MORN5: variants seen among roughly 807,000 people sequenced by gnomAD.
MORN5 encodes MORN repeat containing 5.
In MORN5, 21 loss-of-function variants were observed where a neutral mutation model predicts 22.1. That is an observed-to-expected ratio of 0.95 (90% CI 0.67 to 1.37). The LOEUF (loss-of-function observed/expected upper bound fraction) is 1.37, where lower values mean the gene tolerates loss of function less well. Ranked by LOEUF, MORN5 falls within the 40% of genes most tolerant of loss-of-function variation. The pLI is 0.00. For synonymous variants in MORN5, 73 were observed against 74.0 expected (o/e 0.99, Z 0.07); for missense variants, 211 against 215.1 (o/e 0.98, Z 0.12).
At chr9:122,182,433 C>A (rs1829549833) in intron 4 of MORN5, among the ~76,000 whole-genome samples, 1 of 152,254 alleles carries the variant, frequency 6.6e-6, no homozygotes, top group Admixed American at 6.5e-5. Context: ...AGGATCCTTG[C>A]TAGGCTCTGT....
intron 2 of MORN5, among the ~76,000 whole-genome samples, chr9:122,169,069 AATTGGCG>A (rs1829329455): frequency 1.3e-5 from 2 of 152,142 alleles, no homozygotes; most frequent in Admixed American, 1.3e-4. Flanking sequence ...AGAGACAGGG[AATTGGCG>A]CTTCCTCTGC....
intron 4 of MORN5, among the ~76,000 whole-genome samples, chr9:122,193,865 G>A (rs553443749): frequency 1.8e-4 from 27 of 152,322 alleles, no homozygotes; most frequent in African/African-American, 6.3e-4. Context: ...CAGTGCGAGG[G>A]GAGCTGGGAG....
intron 4 of MORN5, among the ~76,000 whole-genome samples, chr9:122,177,638 G>C (rs866129469): frequency 3.9e-4 from 60 of 152,146 alleles, no homozygotes; most frequent in African/African-American, 1.4e-3. Flanking sequence ...TTGCCATGTT[G>C]GCCGGGCTGG....
intron 1 of MORN5, 80 bp downstream of exon 1, chr9:122,160,099 A>C (rs1003605664): frequency 1.5e-6 from 2 of 1,324,708 alleles, no homozygotes; most frequent in Non-Finnish European, 2.1e-6. Flanking sequence ...TCTGCGAAAC[A>C]CCTTGTGCCA....
intron 4 of MORN5, among the ~76,000 whole-genome samples, chr9:122,178,879 G>A (rs113382716): frequency 3.3e-5 from 5 of 152,314 alleles, no homozygotes; most frequent in African/African-American, 7.2e-5. Context: ...TCCATAGAGC[G>A]TTCCCTTTCT....
At chr9:122,193,578 C>T (rs1158835898) in intron 4 of MORN5, among the ~76,000 whole-genome samples, 3 of 152,036 alleles carry the variant, frequency 2.0e-5, no homozygotes, top group Admixed American at 6.5e-5. Flanking sequence ...AGCGAGACTC[C>T]GTCTCAAAAA....
intron 4 of MORN5, among the ~76,000 whole-genome samples, chr9:122,189,378 G>T (rs2118780226): frequency 6.6e-6 from 1 of 152,220 alleles, no homozygotes; most frequent in Admixed American, 6.5e-5. Flanking sequence ...AGGATTGCTT[G>T]AAGCCAGGAG....
chr9:122,192,926 C>A (rs1178269393), intron 4 of MORN5, among the ~76,000 whole-genome samples: 3 of 152,224 alleles, frequency 2.0e-5, no homozygotes, highest in African/African-American at 7.2e-5. Flanking sequence ...ATTTACATTT[C>A]TTTATTCATT....
chr9:122,187,566 C>T (rs1829663741), intron 4 of MORN5, among the ~76,000 whole-genome samples: 1 of 152,302 alleles, frequency 6.6e-6, no homozygotes, highest in East Asian at 1.9e-4. Context: ...AATAGACAGT[C>T]ACAGGACTGG....
intron 3 of MORN5, among the ~76,000 whole-genome samples, chr9:122,170,334 C>T (rs189499107): frequency 6.6e-6 from 1 of 151,522 alleles, no homozygotes; most frequent in African/African-American, 2.4e-5. Flanking sequence ...GGGTCAATAG[C>T]ATCATCTACC....
chr9:122,180,192 G>A (rs990268300), intron 4 of MORN5, among the ~76,000 whole-genome samples: 2 of 151,936 alleles, frequency 1.3e-5, no homozygotes, highest in Non-Finnish European at 1.5e-5. Flanking sequence ...CCGCAGTAAG[G>A]AATGTTTTAC....
intron 4 of MORN5, among the ~76,000 whole-genome samples, chr9:122,181,757 G>A (rs1288093031): frequency 6.6e-6 from 1 of 152,146 alleles, no homozygotes; most frequent in Non-Finnish European, 1.5e-5. Context: ...TCCCCTTGGA[G>A]CCTCAGTCTC....
intron 3 of MORN5, 137 bp downstream of exon 3, chr9:122,169,893 G>A: frequency 4.5e-6 from 3 of 665,030 alleles, no homozygotes; most frequent in South Asian, 3.7e-5. Flanking sequence ...ATGCAAAAGA[G>A]CCAGGTCCTG....
chr9:122,192,245 G>A (rs892599977), intron 4 of MORN5, among the ~76,000 whole-genome samples: 4 of 152,194 alleles, frequency 2.6e-5, no homozygotes, highest in East Asian at 1.9e-4. Flanking sequence ...AACTTCTGGC[G>A]TTTCTTTTGG....
At chr9:122,160,495 A>G (rs2118729774) in intron 1 of MORN5, among the ~76,000 whole-genome samples, 1 of 152,320 alleles carries the variant, frequency 6.6e-6, no homozygotes, top group South Asian at 2.1e-4. Flanking sequence ...AAATCACTGT[A>G]GTGGACTAGT....
intron 4 of MORN5, among the ~76,000 whole-genome samples, chr9:122,189,019 AC>A (rs1829701349): frequency 6.6e-6 from 1 of 151,966 alleles, no homozygotes; most frequent in African/African-American, 2.4e-5. Context: ...ACATGGTGAA[AC>A]CCCGTCTCTA....
intron 4 of MORN5, among the ~76,000 whole-genome samples, chr9:122,185,710 G>A (rs1829618475): frequency 1.3e-5 from 2 of 152,148 alleles, no homozygotes; most frequent in South Asian, 4.1e-4. Context: ...CCCTAATCTT[G>A]AAGCCACTGC....
At position 122,197,094 on chromosome 9, in the gene MORN5, T is replaced by C. The variant is rs577121308; in HGVS notation, c.440-2791T>C. ...AAATAGTTCCGAGACAAATAGATTATCCCTTTAAGAATAGTGTCCCAGAGT... is the reference window on the plus strand; with the variant it reads ...AAATAGTTCCGAGACAAATAGATTACCCCTTTAAGAATAGTGTCCCAGAGT... On this transcript the variant is annotated intron_variant, in intron 4 of 4. Coordinates refer to ENST00000373764, the MANE Select transcript of MORN5 (RefSeq NM_198469.4). The surrounding 1 kb of genome is among the most constrained non-coding windows in gnomAD (Gnocchi z 5.7). Among the ~76,000 whole-genome samples, 14 of 152,326 alleles carry C rather than the reference T, an allele frequency of 9.2e-5. No homozygotes were observed. The East Asian group carries it at 2.3e-3, about 25-fold the overall frequency.
chr9:122,165,713 A>T (rs544777047), intron 1 of MORN5, among the ~76,000 whole-genome samples: 1 of 152,272 alleles, frequency 6.6e-6, no homozygotes, highest in South Asian at 2.1e-4. Flanking sequence ...TTTGTCCCCC[A>T]CTAGACTGTG....
Sources: gnomAD v4.1 joint callset for allele counts (sites outside exome capture counted in the v4.1 genomes callset) on GRCh38, gnomAD v4.1.1 for gene constraint, Gnocchi (gnomAD v3.1) non-coding constraint, MANE v1.5 for transcripts, NCBI Gene and HGNC (gene_info 2026-07-23, HGNC 2026-07-21) for gene names.